The following TMEM266 variants were observed in gnomAD, a reference collection of about 807,000 sequenced individuals.
TMEM266 encodes the protein Hv1 related protein 1.
TMEM266 carries 33 observed loss-of-function variants against 50.5 expected under a neutral mutation model. That is an observed-to-expected ratio of 0.65 (90% CI 0.50 to 0.87). The LOEUF (loss-of-function observed/expected upper bound fraction) is 0.87. Ranked by LOEUF, TMEM266 falls within the 40% of genes least tolerant of loss-of-function variation. TMEM266 has a pLI of 0.00. For synonymous variants in TMEM266, 310 were observed against 292.3 expected (o/e 1.06, Z -0.62); for missense variants, 655 against 695.1 (o/e 0.94, Z 0.65).
intron 1 of TMEM266, among the ~76,000 whole-genome samples, chr15:76,088,262 A>G (rs1165973417): frequency 6.6e-6 from 1 of 152,238 alleles, no homozygotes; most frequent in Non-Finnish European, 1.5e-5. Context: ...ATGAAAATAG[A>G]TGGCAATAAG....
At chr15:76,148,633 TCCC>T (rs917663894) in intron 3 of TMEM266, among the ~76,000 whole-genome samples, 1 of 152,062 alleles carries the variant, frequency 6.6e-6, no homozygotes, top group African/African-American at 2.4e-5. Context: ...GTGTCCTTTG[TCCC>T]CCCAAGAAGG....
intron 9 of TMEM266, among the ~76,000 whole-genome samples, chr15:76,193,162 A>C (rs1277945424): frequency 1.3e-5 from 2 of 152,194 alleles, no homozygotes. Flanking sequence ...CTTACGAGGA[A>C]CCGATGGGTG....
At position 76,204,099 on chromosome 15, in the gene TMEM266, A is replaced by G; in HGVS notation, c.1380A>G (p.Pro460=). 6.2e-7 allele frequency: 1 copy of G among 1,612,854 alleles called. No individual in the cohort carries two copies. The highest frequency in any genetic ancestry group is 1.1e-5 in the South Asian group (1 of 91,064). Reference sequence around the variant, plus strand: ...GCCCTTCCCAGAAGGCCTTGGACCCAGCCCCCCTCGCCCGGCCCAGCCCAG... The same window carrying G: ...GCCCTTCCCAGAAGGCCTTGGACCCGGCCCCCCTCGCCCGGCCCAGCCCAG... ...LDPAPLARPS[P]AGSAQTSPEL... The change falls in exon 11 of 11, where the codon CCA becomes CCG. Residue 460 remains proline, a synonymous_variant. Coordinates refer to ENST00000388942, the MANE Select transcript of TMEM266 (RefSeq NM_152335.3).
chr15:76,185,180 G>A (rs1436753359), intron 8 of TMEM266, among the ~76,000 whole-genome samples: 1 of 152,208 alleles, frequency 6.6e-6, no homozygotes, highest in African/African-American at 2.4e-5. Context: ...GATTTGGGAA[G>A]TTCTTGGCCA....
At chr15:76,089,531 T>C (rs1433400145) in intron 1 of TMEM266, among the ~76,000 whole-genome samples, 1 of 151,416 alleles carries the variant, frequency 6.6e-6, no homozygotes, top group African/African-American at 2.4e-5. Flanking sequence ...ATTCGTGGGG[T>C]TGAAGGGTGA....
intron 1 of TMEM266, among the ~76,000 whole-genome samples, chr15:76,129,078 A>AGTCC (rs2037465307): frequency 6.6e-6 from 1 of 151,694 alleles, no homozygotes; most frequent in East Asian, 1.9e-4. Context: ...GAGGAGGGAA[A>AGTCC]GTCTGAATAG....
chr15:76,180,607 C>CTTTTTTTTTTTTTTTT (rs59287886), intron 8 of TMEM266, among the ~76,000 whole-genome samples: 1 of 63,170 alleles, frequency 1.6e-5, no homozygotes, highest in Non-Finnish European at 2.7e-5. Context: ...TCATCTTAAG[C>CTTTTTTTTTTTTTTTT]TTTTTTTTTT....
At chr15:76,202,740 A>G (rs2038768462) in intron 10 of TMEM266, among the ~76,000 whole-genome samples, 1 of 152,124 alleles carries the variant, frequency 6.6e-6, no homozygotes, top group East Asian at 1.9e-4. Context: ...ATTGAATTTT[A>G]AAATAACGCT....
chr15:76,136,466 A>G (rs913463391), intron 2 of TMEM266, among the ~76,000 whole-genome samples: 1 of 152,174 alleles, frequency 6.6e-6, no homozygotes, highest in African/African-American at 2.4e-5. Context: ...GGAGCCCTGC[A>G]GAAGTTGGCA....
At chr15:76,060,181 G>C (rs991525935) in intron 1 of TMEM266, among the ~76,000 whole-genome samples, 165 bp downstream of exon 1, 2 of 152,116 alleles carry the variant, frequency 1.3e-5, no homozygotes, top group East Asian at 3.9e-4. Context: ...GGGGGAGCCA[G>C]GCGAGGGTGC....
intron 7 of TMEM266, among the ~76,000 whole-genome samples, chr15:76,172,175 G>A (rs796493541): frequency 7.9e-5 from 12 of 152,290 alleles, no homozygotes; most frequent in African/African-American, 2.9e-4. Flanking sequence ...TGTTGGTTTG[G>A]TTTGGTTTGG....
In TMEM266 at chr15:76,103,880, G is replaced by A. The variant is rs2037040301; in HGVS notation, c.-96-30288G>A. ...TGAGTCAAGATTGCACCACTGCACT[G>A]CAGCCTAGCGACGGAGCGAGACTCC... On this transcript the variant is annotated intron_variant, in intron 1 of 10. Transcript: ENST00000388942. Among the ~76,000 whole-genome samples the A allele has an allele frequency of 2.1e-5, 3 of 143,930 alleles. No individual in the cohort carries two copies. The South Asian group carries it at 6.5e-4, about 31-fold the overall frequency. 94.4% of individuals were successfully genotyped at this position (143,930 alleles called of 152,430 possible). A position where few individuals can be genotyped will look rare whatever the true frequency, so the allele number is the denominator to read the frequency against.
At chr15:76,132,232 C>T (rs992475051) in intron 1 of TMEM266, among the ~76,000 whole-genome samples, 3 of 151,900 alleles carry the variant, frequency 2.0e-5, no homozygotes, top group Non-Finnish European at 4.4e-5. Flanking sequence ...CCTCAGCCTC[C>T]TGAGTAGCTG....
chr15:76,166,998 G>A (rs541686501), intron 5 of TMEM266, among the ~76,000 whole-genome samples: 9 of 152,132 alleles, frequency 5.9e-5, no homozygotes, highest in African/African-American at 2.2e-4. Context: ...GAGGAGGAGC[G>A]GCTGCCATAG....
chr15:76,083,981 G>A (rs1170540313), intron 1 of TMEM266, among the ~76,000 whole-genome samples: 1 of 152,164 alleles, frequency 6.6e-6, no homozygotes, highest in Non-Finnish European at 1.5e-5. Flanking sequence ...CAGTTAACTT[G>A]GGGTGGGGGG....
At chr15:76,186,525 T>G (rs771988234) in intron 8 of TMEM266, among the ~76,000 whole-genome samples, 1 of 152,154 alleles carries the variant, frequency 6.6e-6, no homozygotes, top group African/African-American at 2.4e-5. Context: ...GTGTGAAGCT[T>G]GCCAAAATCT....
chr15:76,087,728 A>G (rs1215462036), intron 1 of TMEM266, among the ~76,000 whole-genome samples: 1 of 152,200 alleles, frequency 6.6e-6, no homozygotes, highest in East Asian at 1.9e-4. Context: ...CCCTTGAAGG[A>G]ATCCTGGGAG....
At chr15:76,074,353 C>T (rs971635360) in intron 1 of TMEM266, among the ~76,000 whole-genome samples, 1 of 152,004 alleles carries the variant, frequency 6.6e-6, no homozygotes, top group African/African-American at 2.4e-5. Flanking sequence ...GGATGCTGTG[C>T]AGTCGTCACC....
At chr15:76,158,983 C>G (rs1292248366) in intron 4 of TMEM266, among the ~76,000 whole-genome samples, 1 of 151,998 alleles carries the variant, frequency 6.6e-6, no homozygotes, top group African/African-American at 2.4e-5. Flanking sequence ...TCAGTCTGGC[C>G]CTCCCTGCTG....
Sources: gnomAD v4.1 joint callset for allele counts (sites outside exome capture counted in the v4.1 genomes callset) on GRCh38, gnomAD v4.1.1 for gene constraint, MANE v1.5 for transcripts, NCBI Gene and HGNC (gene_info 2026-07-23, HGNC 2026-07-21) for gene names.